GALNT13: variants seen among roughly 807,000 people sequenced by gnomAD.
GALNT13 encodes the protein UDP-GalNAc:polypeptide N-acetylgalactosaminyltransferase 13.
A neutral mutation model predicts 64.2 loss-of-function variants in GALNT13; 28 were observed. That is an observed-to-expected ratio of 0.44 (90% confidence interval 0.32 to 0.60). The LOEUF (loss-of-function observed/expected upper bound fraction) is 0.60, where lower values mean the gene tolerates loss of function less well. Among genes scored for constraint, GALNT13 ranks in the 20% least tolerant of loss-of-function variants. The pLI, the probability that GALNT13 is intolerant of heterozygous loss-of-function variation, is 0.05. For missense variants in GALNT13, 577 were observed against 669.8 expected (o/e 0.86, Z 1.53); for synonymous variants, 214 against 224.6 (o/e 0.95, Z 0.42).
At chr2:153,314,535 G>A in the GALNT13 span, among the ~76,000 whole-genome samples, 7 of 151,938 alleles carry the variant, frequency 4.6e-5, no homozygotes, top group South Asian at 1.5e-3. Context: ...ACCATGTTAG[G>A]TCACAAAACA....
At chr2:153,907,008 G>C (rs1032328898) in intron 2 of GALNT13, among the ~76,000 whole-genome samples, 2 of 151,524 alleles carry the variant, frequency 1.3e-5, no homozygotes, top group African/African-American at 4.9e-5. Flanking sequence ...GATGATGAGC[G>C]TTTTTTCATG....
the GALNT13 span, among the ~76,000 whole-genome samples, chr2:153,684,904 A>G: frequency 2.0e-5 from 3 of 151,312 alleles, no homozygotes; most frequent in African/African-American, 4.9e-5. Flanking sequence ...AACACGCAGG[A>G]TTTGTATTTC....
chr2:154,233,671 T>A (rs1381434731), intron 4 of GALNT13, among the ~76,000 whole-genome samples: 1 of 152,198 alleles, frequency 6.6e-6, no homozygotes, highest in Non-Finnish European at 1.5e-5. Flanking sequence ...GTTAGCCATT[T>A]ATAACTGCCT....
intron 3 of GALNT13, among the ~76,000 whole-genome samples, chr2:153,987,357 G>C (rs1694869967): frequency 1.3e-5 from 2 of 151,826 alleles, no homozygotes; most frequent in African/African-American, 4.8e-5. Flanking sequence ...TTAAATTCTA[G>C]TCTGGGCTTA....
chr2:154,100,221 A>G (rs1241819426), intron 3 of GALNT13, among the ~76,000 whole-genome samples: 1 of 151,956 alleles, frequency 6.6e-6, no homozygotes, highest in Non-Finnish European at 1.5e-5. Context: ...GAATTTTAGG[A>G]TTGTTTTCCC....
chr2:154,310,788 C>A (rs1257519729), intron 9 of GALNT13, among the ~76,000 whole-genome samples: 1 of 152,044 alleles, frequency 6.6e-6, no homozygotes, highest in Non-Finnish European at 1.5e-5. Context: ...CTCTCTTTAC[C>A]TAATCTCTGC....
chr2:153,303,538 G>T, the GALNT13 span, among the ~76,000 whole-genome samples: 404 of 152,162 alleles, frequency 2.7e-3, 7 homozygotes, highest in South Asian at 0.038. Flanking sequence ...GATACCTTTT[G>T]TTTCTTTCTC....
chr2:153,820,024 A>T, the GALNT13 span, among the ~76,000 whole-genome samples: 2 of 152,248 alleles, frequency 1.3e-5, no homozygotes. Context: ...GAAGCAATCC[A>T]GGAAATGAAG....
chr2:154,150,582 T>C (rs918502767), intron 4 of GALNT13, among the ~76,000 whole-genome samples: 3 of 152,140 alleles, frequency 2.0e-5, no homozygotes, highest in African/African-American at 7.2e-5. Context: ...GTTGGTAAGC[T>C]ATTGATTATT....
At chr2:154,405,346 T>A (rs756801676) in intron 10 of GALNT13, among the ~76,000 whole-genome samples, 67 of 151,252 alleles carry the variant, frequency 4.4e-4, no homozygotes, top group Non-Finnish European at 7.5e-4. Flanking sequence ...AATATAAAAA[T>A]TGGAAACTAA....
chr2:153,874,130 G>A (rs1332192044), intron 1 of GALNT13, among the ~76,000 whole-genome samples: 18 of 109,790 alleles, frequency 1.6e-4, no homozygotes, highest in African/African-American at 5.1e-4. Context: ...CTTTCCCCAC[G>A]TCTCCTGCAG....
chr2:154,149,091 C>A (rs1266282716), intron 4 of GALNT13, among the ~76,000 whole-genome samples: 1 of 151,972 alleles, frequency 6.6e-6, no homozygotes, highest in South Asian at 2.1e-4. Flanking sequence ...ATCCATCTTG[C>A]ATTAATTTTT....
the GALNT13 span, among the ~76,000 whole-genome samples, chr2:153,562,088 G>C: frequency 6.7e-6 from 1 of 149,992 alleles, no homozygotes; most frequent in Admixed American, 6.7e-5. Context: ...GTGTGTGTGT[G>C]TGTGTGTGTG....
At chr2:154,295,722 C>T (rs1692884359) in intron 8 of GALNT13, among the ~76,000 whole-genome samples, 2 of 151,986 alleles carry the variant, frequency 1.3e-5, no homozygotes. Flanking sequence ...TTTGTAGGCA[C>T]ACATAGCTCA....
intron 11 of GALNT13, among the ~76,000 whole-genome samples, chr2:154,427,355 A>T (rs1459433725): frequency 6.6e-6 from 1 of 152,212 alleles, no homozygotes; most frequent in Admixed American, 6.5e-5. Context: ...AATGGCAGAT[A>T]AGCTATCTGG....
the GALNT13 span, among the ~76,000 whole-genome samples, chr2:153,192,155 A>C: frequency 6.6e-6 from 1 of 151,512 alleles, no homozygotes; most frequent in Non-Finnish European, 1.5e-5. Context: ...ACATCTTTCT[A>C]CTTTTTTGAT....
chr2:153,210,253 C>T, the GALNT13 span, among the ~76,000 whole-genome samples: 1 of 152,042 alleles, frequency 6.6e-6, no homozygotes, highest in Non-Finnish European at 1.5e-5. Context: ...TGCTTTGCTT[C>T]CAGTCTTAAG....
chr2:153,195,010 G>A, the GALNT13 span, among the ~76,000 whole-genome samples: 1 of 152,216 alleles, frequency 6.6e-6, no homozygotes, highest in Non-Finnish European at 1.5e-5. Context: ...GGTGGTATAT[G>A]TTGGCATTGG....
At chr2:153,312,168 G>A in the GALNT13 span, among the ~76,000 whole-genome samples, 160 of 152,320 alleles carry the variant, frequency 1.1e-3, no homozygotes, top group South Asian at 2.9e-3. Context: ...GAATGTGAAA[G>A]ACCTGACCTT....
Sources: gnomAD v4.1 joint callset for allele counts (sites outside exome capture counted in the v4.1 genomes callset) on GRCh38, gnomAD v4.1.1 for gene constraint, MANE v1.5 for transcripts, NCBI Gene and HGNC (gene_info 2026-07-23, HGNC 2026-07-21) for gene names.